Variants in PPP1R13B observed in about 807,000 individuals in gnomAD.
PPP1R13B encodes apoptosis-stimulating of p53 protein 1.
A neutral mutation model predicts 119.8 loss-of-function variants in PPP1R13B; 44 were observed. The observed-to-expected ratio is 0.37, with a 90% CI of 0.29 to 0.47. The LOEUF (loss-of-function observed/expected upper bound fraction) is 0.47. Ranked by LOEUF, PPP1R13B falls within the 20% of genes least tolerant of loss-of-function variation. The probability of loss-of-function intolerance (pLI) is 0.99; values close to 1 mark genes in which losing one functional copy is unlikely to be tolerated. For synonymous variants in PPP1R13B, 542 were observed against 561.5 expected (o/e 0.97, Z 0.49); for missense variants, 1,227 against 1,413.5 (o/e 0.87, Z 2.12).
chr14:103,778,202 C>A (rs1286798480), intron 4 of PPP1R13B, among the ~76,000 whole-genome samples: 2 of 138,490 alleles, frequency 1.4e-5, no homozygotes, highest in South Asian at 4.5e-4. Flanking sequence ...GATCTGCCCG[C>A]CTCGGCCTCC....
intron 1 of PPP1R13B, among the ~76,000 whole-genome samples, chr14:103,800,986 G>A (rs977045582): frequency 1.3e-5 from 2 of 152,000 alleles, no homozygotes; most frequent in African/African-American, 4.8e-5. Context: ...GAGTAGCTGG[G>A]ATTACAAGCA....
intron 2 of PPP1R13B, chr14:103,794,452 G>A (rs144425249): frequency 1.7e-5 from 3 of 180,612 alleles, no homozygotes; most frequent in East Asian, 3.4e-4. Flanking sequence ...TCAGCCTCCC[G>A]AGTAGCAGGG....
chr14:103,736,409 G>A lies in PPP1R13B; in HGVS notation c.3032-207C>T, dbSNP rs571112060. 1.8e-4 allele frequency: 109 copies of A among 603,786 alleles called. 3 individuals are homozygous for A. The highest frequency in any genetic ancestry group is 1.6e-3 in the Middle Eastern group (4 of 2,434). The allele number at this position is 603,786 out of a possible 1,614,324, so 37.4% of individuals were successfully genotyped here. ...CGGCCCAGCTGCTGCTCCTGCTGCCGGCCCTTTCTAAGTCCTGCAGGACAG... is the reference window on the plus strand; with the variant it reads ...CGGCCCAGCTGCTGCTCCTGCTGCCAGCCCTTTCTAAGTCCTGCAGGACAG... On this transcript the variant is annotated intron_variant, in intron 15 of 16. Transcript: ENST00000202556.
intron 1 of PPP1R13B, among the ~76,000 whole-genome samples, chr14:103,822,230 A>T (rs2086427733): frequency 6.6e-6 from 1 of 151,648 alleles, no homozygotes; most frequent in Non-Finnish European, 1.5e-5. Flanking sequence ...CGCCTCCTGG[A>T]TTCAAGCAAT....
rs994893203 is a variant in PPP1R13B, at chr14:103,846,987, C to A, written c.9+312G>T. The A allele has an allele frequency of 2.2e-5, 26 of 1,183,106 alleles. No homozygotes were observed. In the Middle Eastern group the frequency reaches 1.1e-3, roughly 52 times the overall value. 73.3% of individuals were successfully genotyped at this position (1,183,106 alleles called of 1,614,324 possible). ...AGCTGCGCCACCCACCAGACCTGTGCCCCAGCGTCCGACCGCGCACCTGAG... is the reference window on the plus strand; with the variant it reads ...AGCTGCGCCACCCACCAGACCTGTGACCCAGCGTCCGACCGCGCACCTGAG... On this transcript the variant is annotated intron_variant, in intron 1 of 16. Coordinates refer to ENST00000202556, the MANE Select transcript of PPP1R13B (RefSeq NM_015316.3).
At chr14:103,775,275 A>AT (rs1215193034) in intron 4 of PPP1R13B, among the ~76,000 whole-genome samples, 18 of 116,790 alleles carry the variant, frequency 1.5e-4, no homozygotes, top group African/African-American at 5.8e-4. Flanking sequence ...TATTATTATT[A>AT]TTATTTTTTT....
At chr14:103,793,987 A>G (rs1412192385) in intron 2 of PPP1R13B, among the ~76,000 whole-genome samples, 2 of 152,202 alleles carry the variant, frequency 1.3e-5, no homozygotes, top group African/African-American at 4.8e-5. Context: ...CAATATGACT[A>G]GTGTCCTTAC....
intron 4 of PPP1R13B, among the ~76,000 whole-genome samples, chr14:103,762,083 T>G (rs562968653): frequency 6.6e-6 from 1 of 152,250 alleles, no homozygotes; most frequent in African/African-American, 2.4e-5. Flanking sequence ...GACCCTGAAG[T>G]GCTTTCCTGT....
At chr14:103,773,838 A>G (rs894320077) in intron 4 of PPP1R13B, among the ~76,000 whole-genome samples, 1 of 152,226 alleles carries the variant, frequency 6.6e-6, no homozygotes, top group African/African-American at 2.4e-5. Flanking sequence ...GACTGCCTCT[A>G]TCCTCTCCTG....
In PPP1R13B at chr14:103,746,572, TGA is replaced by T; in HGVS notation, c.970-21_970-20del. 1 of 1,556,038 alleles carries T rather than the reference TGA, an allele frequency of 6.4e-7. No individual in the cohort carries two copies. Among genetic ancestry groups the T allele is most frequent in the Non-Finnish European group, 8.7e-7 (1 of 1,143,028 alleles). ...GGTTCAGCTACAAATTGGGAAGAAATGAGAGTCAAGATTCTCCTACATTCAAA... is the reference window on the plus strand; with the variant it reads ...GGTTCAGCTACAAATTGGGAAGAAATGAGTCAAGATTCTCCTACATTCAAA... On this transcript the variant is annotated intron_variant, in intron 8 of 16. Coordinates refer to ENST00000202556, the MANE Select transcript of PPP1R13B (RefSeq NM_015316.3).
intron 12 of PPP1R13B, 84 bp from the exon 13 acceptor site, chr14:103,739,107 A>T: frequency 5.9e-6 from 9 of 1,532,846 alleles, no homozygotes; most frequent in Non-Finnish European, 7.9e-6. Context: ...GAGTGGTGGG[A>T]GCTAAAGCCC....
intron 1 of PPP1R13B, among the ~76,000 whole-genome samples, chr14:103,804,751 C>T (rs1448088851): frequency 1.3e-5 from 2 of 151,878 alleles, no homozygotes; most frequent in Non-Finnish European, 2.9e-5. Flanking sequence ...AAAAAAAAAT[C>T]TAAACAGGAA....
intron 8 of PPP1R13B, 41 bp downstream of exon 8, chr14:103,749,753 C>A: frequency 6.3e-7 from 1 of 1,592,318 alleles, no homozygotes; most frequent in Admixed American, 1.8e-5. Context: ...CTTGGATAAA[C>A]TATCTTTAGT....
Position 103,734,956 on chromosome 14 carries a change from A to C in PPP1R13B, c.*198T>G. ...GCAAAATTCAGTCCTTGGAGGCGAA[A>C]GTACCTCTCCCAGTTAATGGGCAAA... On this transcript the variant is annotated 3_prime_UTR_variant, in exon 17 of 17. Transcript: ENST00000202556. 2.8e-6 allele frequency: 2 copies of C among 714,382 alleles called. No individual in the cohort carries two copies. Among genetic ancestry groups the C allele is most frequent in the East Asian group, 2.7e-5 (1 of 36,654 alleles). 44.3% of individuals were successfully genotyped at this position (714,382 alleles called of 1,614,324 possible). A position where few individuals can be genotyped will look rare whatever the true frequency, so the allele number is the denominator to read the frequency against.
intron 3 of PPP1R13B, among the ~76,000 whole-genome samples, chr14:103,782,775 T>C (rs1411525199): frequency 1.3e-5 from 2 of 152,026 alleles, no homozygotes; most frequent in Admixed American, 1.3e-4. Flanking sequence ...CTGTGAACTG[T>C]GTGTGTATAT....
intron 1 of PPP1R13B, among the ~76,000 whole-genome samples, chr14:103,823,904 C>T (rs1425702525): frequency 6.6e-6 from 1 of 151,964 alleles, no homozygotes; most frequent in African/African-American, 2.4e-5. Context: ...ACAGCAGGTA[C>T]ATACATATCC....
In PPP1R13B at chr14:103,797,610, G is replaced by A. The variant is rs559349976; in HGVS notation, c.10-92C>T. 2.0e-4 allele frequency: 115 copies of A among 563,978 alleles called. No individual in the cohort carries two copies. The African/African-American group carries it at 2.3e-3, about 11-fold the overall frequency. 34.9% of individuals were successfully genotyped at this position (563,978 alleles called of 1,614,324 possible). On this transcript the variant is annotated intron_variant, in intron 1 of 16. Transcript: ENST00000202556. ...AAAGTGATCCCTCTACCCACCCCCC[G>A]CCCCCAAAATGCCTACAGAATTATT... is the stretch of plus-strand genomic sequence containing the variant.
rs192152356 is a variant in PPP1R13B at position 103,734,576 on chromosome 14, C to T, written c.*578G>A. 142 of 456,482 alleles carry T rather than the reference C, an allele frequency of 3.1e-4. No individual in the cohort carries two copies. In the East Asian group the frequency reaches 3.5e-3, roughly 11 times the overall value. The allele number at this position is 456,482 out of a possible 1,614,324, so 28.3% of individuals were successfully genotyped here. Reference sequence around the variant, plus strand: ...CCTTTAGGTGAACTGGAACAGGAAGCGGAACCCCCAAGGCGGCCGAGCAGA... The same window carrying T: ...CCTTTAGGTGAACTGGAACAGGAAGTGGAACCCCCAAGGCGGCCGAGCAGA... On this transcript the variant is annotated 3_prime_UTR_variant, in exon 17 of 17. Coordinates refer to ENST00000202556, the MANE Select transcript of PPP1R13B (RefSeq NM_015316.3).
chr14:103,786,851 G>A (rs145063173), intron 2 of PPP1R13B, among the ~76,000 whole-genome samples: 241 of 150,912 alleles, frequency 1.6e-3, no homozygotes, highest in African/African-American at 5.4e-3. Flanking sequence ...TGGGAGGATC[G>A]CTTGAGCCAA....
Sources: allele counts gnomAD v4.1 joint callset (sites outside exome capture counted in the v4.1 genomes callset), GRCh38; gene constraint gnomAD v4.1.1; transcripts MANE v1.5; gene names NCBI Gene and HGNC (gene_info 2026-07-23, HGNC 2026-07-21).